PIP5K1C: variants seen among roughly 807,000 people sequenced by gnomAD.
The protein encoded by PIP5K1C is phosphatidylinositol 4-phosphate 5-kinase type-1 gamma.
In PIP5K1C, 45 loss-of-function variants were observed where a neutral mutation model predicts 80.1. The observed-to-expected ratio is 0.56, with a 90% CI of 0.44 to 0.72. The LOEUF (loss-of-function observed/expected upper bound fraction) is 0.72, where lower values mean the gene tolerates loss of function less well. Among genes scored for constraint, PIP5K1C ranks in the 30% least tolerant of loss-of-function variants. PIP5K1C has a pLI of 0.00. For missense variants in PIP5K1C, 753 were observed against 954.6 expected (o/e 0.79, Z 2.78); for synonymous variants, 498 against 420.1 (o/e 1.19, Z -2.27).
chr19:3,638,385 GTC>G (rs911214463), intron 16 of PIP5K1C, among the ~76,000 whole-genome samples: 17 of 152,146 alleles, frequency 1.1e-4, no homozygotes, highest in African/African-American at 3.4e-4. Context: ...CCACTGCCCG[GTC>G]CCCCGGCCCT....
rs574992169 is a variant in PIP5K1C, at chr19:3,633,439, T to A, written c.2002A>T (p.Thr668Ser). The change falls in exon 17 of 18, where the codon ACA becomes TCA. Residue 668 changes from threonine to serine, a missense_variant and splice_region_variant. Around this residue, in one of 6 missense-constraint regions of PIP5K1C, gnomAD observed 315 missense variants for 294.5 expected, o/e 1.07. Coordinates refer to ENST00000335312, the MANE Select transcript of PIP5K1C (RefSeq NM_012398.3). ...APPASDGESDT is the reference protein window; with the variant it reads ...APPASDGESDS ...GGGTGCACCTGGGCTGCACTTACTG[T>A]GTCGCTCTCGCCGTCGGAGGCCGGG... is the stretch of plus-strand genomic sequence containing the variant. 1.3e-6 allele frequency: 2 copies of A among 1,495,004 alleles called. No homozygotes were observed. Among genetic ancestry groups the A allele is most frequent in the African/African-American group, 2.8e-5 (2 of 71,538 alleles). The allele number at this position is 1,495,004 out of a possible 1,614,324, so 92.6% of individuals were successfully genotyped here. A position where few individuals can be genotyped will look rare whatever the true frequency, so the allele number is the denominator to read the frequency against.
At chr19:3,686,895 G>A (rs1209081037) in intron 1 of PIP5K1C, among the ~76,000 whole-genome samples, 1 of 150,724 alleles carries the variant, frequency 6.6e-6, no homozygotes, top group Non-Finnish European at 1.5e-5. Context: ...AGCAAGCAAA[G>A]AAAAAAACAG....
chr19:3,637,953 C>T lies in PIP5K1C; in HGVS notation c.1920+931G>A, dbSNP rs1339020643. 5 of 1,534,220 alleles carry T rather than the reference C, an allele frequency of 3.3e-6. No homozygotes were observed. Among genetic ancestry groups the T allele is most frequent in the Middle Eastern group, 1.8e-4 (1 of 5,658 alleles). On this transcript the variant is annotated intron_variant, in intron 16 of 17. Transcript: ENST00000335312. The surrounding 1 kb of genome is among the most constrained non-coding windows in gnomAD (Gnocchi z 7.0). The stretch of plus-strand genomic sequence containing the variant: ...GTGGGTAGGGGCACAGGCACGCGGC[C>T]CGTCCCTCCCTTCTCCAGGGCCAGG...
At chr19:3,651,260 T>C (rs2145438113) in intron 8 of PIP5K1C, among the ~76,000 whole-genome samples, 1 of 152,330 alleles carries the variant, frequency 6.6e-6, no homozygotes, top group South Asian at 2.1e-4. Flanking sequence ...CTTGCCATGT[T>C]GCCCAGGCTG....
intron 1 of PIP5K1C, among the ~76,000 whole-genome samples, chr19:3,698,311 G>T (rs1201221873): frequency 6.6e-6 from 1 of 152,256 alleles, no homozygotes; most frequent in Admixed American, 6.5e-5. Flanking sequence ...TCACAGACGG[G>T]ACGCTGAAGC....
At chr19:3,677,541 C>T (rs1484024235) in intron 1 of PIP5K1C, among the ~76,000 whole-genome samples, 2 of 151,422 alleles carry the variant, frequency 1.3e-5, no homozygotes, top group Non-Finnish European at 2.9e-5. Flanking sequence ...CAAGATCATG[C>T]CACTGCACTC....
intron 1 of PIP5K1C, among the ~76,000 whole-genome samples, chr19:3,687,499 G>GCACACGCA (rs2035795078): frequency 6.6e-6 from 1 of 151,026 alleles, no homozygotes; most frequent in African/African-American, 2.5e-5. Context: ...GCACATACAC[G>GCACACGCA]CACACATGCA....
At chr19:3,673,839 G>A (rs866296376) in intron 1 of PIP5K1C, 2 of 152,436 alleles carry the variant, frequency 1.3e-5, no homozygotes, top group Middle Eastern at 3.1e-3. Context: ...GGGACCCGGA[G>A]GCGGCAGGGC....
Position 3,633,438 on chromosome 19 carries a change from G to A in PIP5K1C, c.2003C>T (p.Thr668Ile). Residue 668 changes from threonine to isoleucine, a missense_variant and splice_region_variant, in exon 17 of 18, where the codon ACA becomes ATA. Physicochemically the swap from Thr to Ile is moderately conservative, Grantham distance 89. This residue lies in a region of PIP5K1C where 315 missense variants were observed against 294.5 expected (regional missense o/e 1.07). Coordinates refer to ENST00000335312, the MANE Select transcript of PIP5K1C (RefSeq NM_012398.3). ...CGGGTGCACCTGGGCTGCACTTACT[G>A]TGTCGCTCTCGCCGTCGGAGGCCGG... Reference protein sequence around the residue: ...APPASDGESDT With the variant: ...APPASDGESDI 1 of 1,496,420 alleles carries A rather than the reference G, an allele frequency of 6.7e-7. No individual in the cohort carries two copies. Among genetic ancestry groups the A allele is most frequent in the Non-Finnish European group, 8.9e-7 (1 of 1,120,506 alleles). 92.7% of individuals were successfully genotyped at this position (1,496,420 alleles called of 1,614,324 possible).
chr19:3,680,106 G>C (rs980937094), intron 1 of PIP5K1C, among the ~76,000 whole-genome samples: 6 of 152,338 alleles, frequency 3.9e-5, no homozygotes, highest in African/African-American at 1.4e-4. Flanking sequence ...CTACAGGCTA[G>C]TTCTTACCCT....
rs1186614355 is a variant in PIP5K1C at position 3,667,250 on chromosome 19, G to A, written c.126+72C>T. The A allele has an allele frequency of 2.9e-6, 4 of 1,384,736 alleles. No homozygotes were observed. The African/African-American group carries it at 5.7e-5, about 20-fold the overall frequency. The allele number at this position is 1,384,736 out of a possible 1,614,324, so 85.8% of individuals were successfully genotyped here. A position where few individuals can be genotyped will look rare whatever the true frequency, so the allele number is the denominator to read the frequency against. ...GTAGTGAGCTGCCCCAGGCCACACA[G>A]CTTCTCCGCGAGTAGGGAGGCAGCA... On this transcript the variant is annotated intron_variant, in intron 2 of 17. Transcript: ENST00000335312.
At chr19:3,699,400 C>A (rs1283696090) in intron 1 of PIP5K1C, among the ~76,000 whole-genome samples, 1 of 152,148 alleles carries the variant, frequency 6.6e-6, no homozygotes. Flanking sequence ...AACTCCCAGG[C>A]AGCACGCATC....
intron 1 of PIP5K1C, among the ~76,000 whole-genome samples, chr19:3,683,177 T>C (rs2035642636): frequency 1.3e-5 from 2 of 152,042 alleles, no homozygotes; most frequent in African/African-American, 4.8e-5. Context: ...CCACATTTGT[T>C]CCCTCTGAGG....
At chr19:3,662,143 G>T in intron 3 of PIP5K1C, 142 bp from the exon 4 acceptor site, 2 of 1,052,850 alleles carry the variant, frequency 1.9e-6, no homozygotes, top group Non-Finnish European at 2.8e-6. Context: ...GGTCCCCGGG[G>T]CTGCCTGTCC....
In PIP5K1C at chr19:3,637,168, C is replaced by A. The variant is rs977356492; in HGVS notation, c.1920+1716G>T. The A allele has an allele frequency of 2.1e-6, 3 of 1,418,394 alleles. No individual in the cohort carries two copies. Among genetic ancestry groups the A allele is most frequent in the Non-Finnish European group, 2.8e-6 (3 of 1,089,428 alleles). 87.9% of individuals were successfully genotyped at this position (1,418,394 alleles called of 1,614,324 possible). On this transcript the variant is annotated intron_variant, in intron 16 of 17. Coordinates refer to ENST00000335312, the MANE Select transcript of PIP5K1C (RefSeq NM_012398.3). The surrounding 1 kb of genome is among the most constrained non-coding windows in gnomAD (Gnocchi z 7.0). The stretch of plus-strand genomic sequence containing the variant: ...GGGGCCACGGGCAGCCAGGTCTGCA[C>A]GAGTGAGAAGCGTCCACCCAAGACA...
rs1228964880 is a variant in PIP5K1C, at chr19:3,637,118, G to A, written c.1920+1766C>T. On this transcript the variant is annotated intron_variant, in intron 16 of 17. Transcript: ENST00000335312. The surrounding 1 kb of genome is among the most constrained non-coding windows in gnomAD (Gnocchi z 7.0). ...GGCCCTGCAGCCACTCTGCTGACCT[G>A]TGCAACCTCCCCTGTGCAGCCAGCG... The A allele has an allele frequency of 1.5e-6, 2 of 1,359,068 alleles. No homozygotes were observed. The highest frequency in any genetic ancestry group is 1.5e-5 in the South Asian group (1 of 65,050). The allele number at this position is 1,359,068 out of a possible 1,614,324, so 84.2% of individuals were successfully genotyped here. A position where few individuals can be genotyped will look rare whatever the true frequency, so the allele number is the denominator to read the frequency against.
chr19:3,656,491 C>T lies in PIP5K1C; in HGVS notation c.535G>A (p.Val179Ile). ...ATGATGAACTCGTCGTCGCTGGTGA[C>T]GTAGAAGAGGGAGCCACTGGCGCCC... Reference protein sequence around the residue: ...NPGASGSLFYVTSDDEFIIKT... With the variant: ...NPGASGSLFYITSDDEFIIKT... Residue 179 changes from valine (V) to isoleucine (I), a missense_variant, in exon 6 of 18, where the codon GTC becomes ATC. This residue lies in a region of PIP5K1C where 139 missense variants were observed against 289.7 expected (regional missense o/e 0.48). Coordinates refer to ENST00000335312, the MANE Select transcript of PIP5K1C (RefSeq NM_012398.3). 1 of 1,613,728 alleles carries T rather than the reference C, an allele frequency of 6.2e-7. No homozygotes were observed. Among genetic ancestry groups the T allele is most frequent in the Non-Finnish European group, 8.5e-7 (1 of 1,180,006 alleles).
rs373975884 is a variant in PIP5K1C, at chr19:3,688,782, C to T, written c.94+11515G>A. On this transcript the variant is annotated intron_variant, in intron 1 of 17. Transcript: ENST00000335312. The surrounding 1 kb of genome is among the most constrained non-coding windows in gnomAD (Gnocchi z 5.3). ...GGGGAGAACGAGAGCGAGAGACACA[C>T]CGAGCTGGTGGGCCGGGGGAGGGGG... Among the ~76,000 whole-genome samples the T allele has an allele frequency of 2.0e-4, 30 of 152,068 alleles. 1 individual carries two copies. The East Asian group carries it at 4.5e-3, about 23-fold the overall frequency.
intron 1 of PIP5K1C, among the ~76,000 whole-genome samples, chr19:3,676,734 C>T (rs1439469985): frequency 2.6e-5 from 4 of 152,176 alleles, no homozygotes; most frequent in South Asian, 2.1e-4. Flanking sequence ...AAACCTTCAA[C>T]GAAATTCAAC....
Sources: gnomAD v4.1 joint callset for allele counts (sites outside exome capture counted in the v4.1 genomes callset) on GRCh38, gnomAD v4.1.1 for gene constraint, gnomAD v4.1.1 regional missense constraint, Gnocchi (gnomAD v3.1) non-coding constraint, MANE v1.5 for transcripts, NCBI Gene and HGNC (gene_info 2026-07-23, HGNC 2026-07-21) for gene names.